Variants in KIAA0586 observed in about 807,000 individuals in gnomAD.
KIAA0586 encodes protein TALPID3.
A neutral mutation model predicts 169.8 loss-of-function variants in KIAA0586; 144 were observed. The observed-to-expected ratio is 0.85, with a 90% CI of 0.74 to 0.97. The LOEUF (loss-of-function observed/expected upper bound fraction) is 0.97. Among genes scored for constraint, KIAA0586 ranks in the 50% least tolerant of loss-of-function variants. The pLI is 0.00. For synonymous variants in KIAA0586, 625 were observed against 612.4 expected (o/e 1.02, Z -0.30); for missense variants, 1,854 against 1,823.0 (o/e 1.02, Z -0.31).
chr14:58,500,207 C>T (rs1298557960), intron 27 of KIAA0586, among the ~76,000 whole-genome samples: 3 of 152,166 alleles, frequency 2.0e-5, no homozygotes, highest in East Asian at 3.9e-4. Flanking sequence ...AGCCTCTGGT[C>T]ATAACATTTT....
intron 27 of KIAA0586, among the ~76,000 whole-genome samples, chr14:58,502,237 G>C (rs899723306): frequency 1.3e-5 from 2 of 152,082 alleles, no homozygotes; most frequent in Non-Finnish European, 2.9e-5. Flanking sequence ...CTGGGTTCAA[G>C]TGATTCTCCT....
downstream of KIAA0586, among the ~76,000 whole-genome samples, chr14:58,553,759 CA>C (rs1163266715): frequency 6.6e-6 from 1 of 152,104 alleles, no homozygotes; most frequent in Non-Finnish European, 1.5e-5. Context: ...TAGCTGTTGT[CA>C]AGAGGACCTG....
intron 30 of KIAA0586, among the ~76,000 whole-genome samples, chr14:58,543,017 A>G (rs1287691371): frequency 6.6e-6 from 1 of 151,852 alleles, no homozygotes; most frequent in Admixed American, 6.6e-5. Flanking sequence ...AGTCCCTCGC[A>G]GCTACTTGGG....
intron 9 of KIAA0586, among the ~76,000 whole-genome samples, chr14:58,456,462 C>G (rs1206804782): frequency 6.6e-6 from 1 of 152,162 alleles, no homozygotes; most frequent in South Asian, 2.1e-4. Flanking sequence ...TTTCCTGCTC[C>G]TTTTCTGCTA....
intron 14 of KIAA0586, among the ~76,000 whole-genome samples, chr14:58,465,339 C>A (rs2040665288): frequency 6.6e-6 from 1 of 152,006 alleles, no homozygotes; most frequent in Admixed American, 6.6e-5. Flanking sequence ...ATCATCAATT[C>A]CAAAAATGAT....
rs191507634 is a variant in KIAA0586, at chr14:58,513,395, A to C, written c.4429+768A>C. ...TTTCAAATAATATTTAATTGAGCAA[A>C]TGCATATTATTGAATGCCGGTATAA... On this transcript the variant is annotated intron_variant, in intron 29 of 30. Coordinates refer to ENST00000652326, the MANE Select transcript of KIAA0586 (RefSeq NM_001329943.3). Among the ~76,000 whole-genome samples, 19 of 152,178 alleles carry C rather than the reference A, an allele frequency of 1.2e-4. No homozygotes were observed. In the East Asian group the frequency reaches 3.1e-3, roughly 25 times the overall value.
rs1215406553 is a variant in KIAA0586, at chr14:58,448,487, A to G, written c.955A>G (p.Lys319Glu). ...ATCTTTATATAACACATTTGCTTCC[A>G]AACAAGGTAAAAATATGTAGTTCTC... The part of the protein sequence containing the change: ...NPSLYNTFAS[K>E]QAPLKEVEDT... The change falls in exon 7 of 31, where the codon AAA (lysine) becomes GAA (glutamate). Residue 319 changes from lysine to glutamate, a missense_variant. Physicochemically the swap from Lys to Glu is moderately conservative, Grantham distance 56. Coordinates refer to ENST00000652326, the MANE Select transcript of KIAA0586 (RefSeq NM_001329943.3). 4.4e-6 allele frequency: 7 copies of G among 1,601,816 alleles called. No individual in the cohort carries two copies. The South Asian group carries it at 7.8e-5, about 18-fold the overall frequency.
intron 18 of KIAA0586, among the ~76,000 whole-genome samples, chr14:58,472,790 A>G (rs1427032132): frequency 6.6e-6 from 1 of 151,166 alleles, no homozygotes; most frequent in Non-Finnish European, 1.5e-5. Flanking sequence ...GAACATTGAA[A>G]CTACTTGACC....
intron 29 of KIAA0586, among the ~76,000 whole-genome samples, chr14:58,538,323 G>T (rs1434103642): frequency 6.6e-6 from 1 of 152,124 alleles, no homozygotes; most frequent in African/African-American, 2.4e-5. Context: ...TTTATCTCCA[G>T]TGAGAATGTA....
At chr14:58,444,586 G>A (rs971712036) in intron 6 of KIAA0586, among the ~76,000 whole-genome samples, 2 of 151,950 alleles carry the variant, frequency 1.3e-5, no homozygotes, top group African/African-American at 4.8e-5. Context: ...ACCACGCCCA[G>A]CTAATTTTTG....
intron 26 of KIAA0586, among the ~76,000 whole-genome samples, chr14:58,497,923 G>C (rs1048106090): frequency 7.0e-6 from 1 of 143,784 alleles, no homozygotes; most frequent in Admixed American, 7.1e-5. Context: ...TGTCACCCAG[G>C]CTGGAGTGCA....
At chr14:58,512,015 C>A (rs924666074) in intron 28 of KIAA0586, among the ~76,000 whole-genome samples, 5 of 152,036 alleles carry the variant, frequency 3.3e-5, no homozygotes, top group Non-Finnish European at 7.4e-5. Flanking sequence ...TATGGTGGAG[C>A]GTATGTTTCT....
intron 29 of KIAA0586, chr14:58,521,750 A>G (rs1595474422): frequency 1.2e-6 from 1 of 811,210 alleles, no homozygotes; most frequent in Non-Finnish European, 2.2e-6. Context: ...GGAAACAAGC[A>G]GTAGAGATGA....
chr14:58,554,075 G>C (rs776442160), downstream of KIAA0586, among the ~76,000 whole-genome samples: 1 of 152,118 alleles, frequency 6.6e-6, no homozygotes, highest in African/African-American at 2.4e-5. Context: ...TTATCCAAGA[G>C]GCTAGCCCAA....
At chr14:58,514,731 A>C (rs1172087661) in intron 29 of KIAA0586, among the ~76,000 whole-genome samples, 1 of 151,990 alleles carries the variant, frequency 6.6e-6, no homozygotes, top group Non-Finnish European at 1.5e-5. Context: ...AAACCTTTTA[A>C]TTTGGTATTG....
chr14:58,561,893 A>G, the KIAA0586 span, among the ~76,000 whole-genome samples: 1 of 152,122 alleles, frequency 6.6e-6, no homozygotes, highest in Non-Finnish European at 1.5e-5. Flanking sequence ...TTTCGTACAC[A>G]AGAAATCTTT....
At chr14:58,535,792 T>C (rs1424867342) in intron 29 of KIAA0586, among the ~76,000 whole-genome samples, 1 of 152,052 alleles carries the variant, frequency 6.6e-6, no homozygotes. Flanking sequence ...TTGAGTTTTG[T>C]TTTAAATTCT....
intron 7 of KIAA0586, among the ~76,000 whole-genome samples, chr14:58,448,910 C>G (rs942622): frequency 0.98 from 148,742 of 152,226 alleles, 72,752 homozygotes; most frequent in Non-Finnish European, 1. Flanking sequence ...TTGATTCTGT[C>G]AGAGCAACTA....
intron 21 of KIAA0586, 129 bp from the exon 22 acceptor site, chr14:58,486,878 A>C: frequency 1.6e-6 from 1 of 606,634 alleles, no homozygotes; most frequent in Non-Finnish European, 2.6e-6. Flanking sequence ...GTAGAGGTTC[A>C]AGAGGTAGGG....
Sources: gnomAD v4.1 joint callset for allele counts (sites outside exome capture counted in the v4.1 genomes callset) on GRCh38, gnomAD v4.1.1 for gene constraint, MANE v1.5 for transcripts, NCBI Gene and HGNC (gene_info 2026-07-23, HGNC 2026-07-21) for gene names.